The following PDZRN3 variants were observed in gnomAD, a reference collection of about 807,000 sequenced individuals.
PDZRN3 encodes E3 ubiquitin-protein ligase PDZRN3.
Under a neutral mutation model 85.7 loss-of-function variants are expected in PDZRN3, and 38 were observed. The ratio of observed to expected loss-of-function variants is 0.44; its 90% CI spans 0.34 to 0.58. The LOEUF (loss-of-function observed/expected upper bound fraction) is 0.58. Among genes scored for constraint, PDZRN3 ranks in the 20% least tolerant of loss-of-function variants. PDZRN3 has a pLI of 0.01. For synonymous variants in PDZRN3, 759 were observed against 638.0 expected (o/e 1.19, Z -2.86); for missense variants, 1,629 against 1,506.4 (o/e 1.08, Z -1.35).
At chr3:73,483,417 G>A (rs545988970) in intron 3 of PDZRN3, among the ~76,000 whole-genome samples, 5 of 152,214 alleles carry the variant, frequency 3.3e-5, no homozygotes, top group Non-Finnish European at 7.3e-5. Context: ...GTCCCAGGGA[G>A]GAAATGTGCC....
At chr3:73,601,851 T>G (rs1702520006) in intron 3 of PDZRN3, among the ~76,000 whole-genome samples, 1 of 151,800 alleles carries the variant, frequency 6.6e-6, no homozygotes, top group Non-Finnish European at 1.5e-5. Flanking sequence ...TGCAAATCCC[T>G]GGGCAATCAG....
At chr3:73,513,258 T>C (rs990933957) in intron 3 of PDZRN3, among the ~76,000 whole-genome samples, 1 of 152,194 alleles carries the variant, frequency 6.6e-6, no homozygotes, top group African/African-American at 2.4e-5. Flanking sequence ...CGTCTTCTTT[T>C]TAAACAGTTA....
At chr3:73,443,864 T>C (rs1702696392) in intron 3 of PDZRN3, among the ~76,000 whole-genome samples, 1 of 152,118 alleles carries the variant, frequency 6.6e-6, no homozygotes, top group Admixed American at 6.5e-5. Flanking sequence ...TAATCCCCAC[T>C]GTAAATGGAA....
chr3:73,519,698 A>T (rs1367638713), intron 3 of PDZRN3, among the ~76,000 whole-genome samples: 1 of 152,224 alleles, frequency 6.6e-6, no homozygotes, highest in Non-Finnish European at 1.5e-5. Flanking sequence ...ACGTCAAGCT[A>T]TGGCTATGCC....
At chr3:73,594,228 G>A (rs1702401288) in intron 3 of PDZRN3, among the ~76,000 whole-genome samples, 2 of 152,080 alleles carry the variant, frequency 1.3e-5, no homozygotes, top group African/African-American at 4.8e-5. Context: ...CTAAAGGAGG[G>A]CTATTTGTTT....
At chr3:73,529,107 G>C (rs530357330) in intron 3 of PDZRN3, among the ~76,000 whole-genome samples, 1 of 152,176 alleles carries the variant, frequency 6.6e-6, no homozygotes, top group African/African-American at 2.4e-5. Flanking sequence ...ATTTGGAACC[G>C]GGGTCCATGT....
At chr3:73,416,892 T>TGG (rs1702100396) in intron 3 of PDZRN3, among the ~76,000 whole-genome samples, 2 of 124,980 alleles carry the variant, frequency 1.6e-5, no homozygotes, top group African/African-American at 6.2e-5. Flanking sequence ...TTTTTTTTTT[T>TGG]TTTTTTTTTT....
intron 3 of PDZRN3, among the ~76,000 whole-genome samples, chr3:73,560,263 T>C (rs1701788524): frequency 6.6e-6 from 1 of 152,242 alleles, no homozygotes; most frequent in African/African-American, 2.4e-5. Flanking sequence ...CTGCCAAATT[T>C]GACTGTTATA....
intron 3 of PDZRN3, among the ~76,000 whole-genome samples, chr3:73,558,219 T>C (rs1282805942): frequency 2.0e-4 from 4 of 19,714 alleles, no homozygotes; most frequent in Non-Finnish European, 2.8e-4. Flanking sequence ...TGCTTGGGTA[T>C]GTGAAAAAAA....
At chr3:73,550,960 G>C (rs563146139) in intron 3 of PDZRN3, among the ~76,000 whole-genome samples, 1 of 152,312 alleles carries the variant, frequency 6.6e-6, no homozygotes, top group African/African-American at 2.4e-5. Context: ...AGAGTTATCA[G>C]AAAGAAAACT....
At chr3:73,426,510 A>G (rs1209400224) in intron 3 of PDZRN3, among the ~76,000 whole-genome samples, 1 of 152,188 alleles carries the variant, frequency 6.6e-6, no homozygotes, top group Non-Finnish European at 1.5e-5. Flanking sequence ...AAAGTTCTCA[A>G]ACAAAACAAT....
At chr3:73,465,772 G>A (rs1703201105) in intron 3 of PDZRN3, among the ~76,000 whole-genome samples, 1 of 152,120 alleles carries the variant, frequency 6.6e-6, no homozygotes. Flanking sequence ...ACTGCCACGG[G>A]GATTTATAGT....
intron 3 of PDZRN3, among the ~76,000 whole-genome samples, chr3:73,574,499 T>C (rs1702091936): frequency 6.6e-6 from 1 of 151,902 alleles, no homozygotes; most frequent in Non-Finnish European, 1.5e-5. Context: ...CACTCTGTTG[T>C]CCAGGTTGGA....
chr3:73,529,604 CA>C (rs1368957162), intron 3 of PDZRN3, among the ~76,000 whole-genome samples: 1 of 152,146 alleles, frequency 6.6e-6, no homozygotes, highest in Non-Finnish European at 1.5e-5. Context: ...CTTTGTTAAG[CA>C]AAAGGGCTGT....
chr3:73,430,988 G>A lies in PDZRN3; in HGVS notation c.919-26593C>T, dbSNP rs180838319. ...TGGTAGGCAGAGGCCCTGTCTTGAC[G>A]TTTCACACTGCCCTGCAACCCCCAC... On this transcript the variant is annotated intron_variant, in intron 3 of 9. Transcript: ENST00000263666. Among the ~76,000 whole-genome samples the A allele has an allele frequency of 2.4e-3, 366 of 152,188 alleles. 1 individual carries two copies. The highest frequency in any genetic ancestry group is 3.2e-3 in the Non-Finnish European group (219 of 68,004).
At chr3:73,432,805 G>T (rs995949210) in intron 3 of PDZRN3, among the ~76,000 whole-genome samples, 5 of 151,916 alleles carry the variant, frequency 3.3e-5, no homozygotes, top group African/African-American at 1.2e-4. Flanking sequence ...GAAAACCTTA[G>T]CTGGATTATT....
At chr3:73,610,426 T>C (rs1163569683) in intron 1 of PDZRN3, among the ~76,000 whole-genome samples, 1 of 152,224 alleles carries the variant, frequency 6.6e-6, no homozygotes, top group African/African-American at 2.4e-5. Context: ...CAATTTGAAC[T>C]GTAACAAGTT....
intron 6 of PDZRN3, 33 bp downstream of exon 6, chr3:73,390,985 C>T (rs145738538): frequency 2.2e-5 from 31 of 1,409,804 alleles, no homozygotes; most frequent in East Asian, 2.1e-4. Flanking sequence ...GGTCTTGATA[C>T]GATAGTTAGA....
chr3:73,602,118 T>C (rs575227030), intron 3 of PDZRN3, among the ~76,000 whole-genome samples: 1 of 152,166 alleles, frequency 6.6e-6, no homozygotes, highest in Non-Finnish European at 1.5e-5. Flanking sequence ...GAGGTCCACA[T>C]GAAAAAAGCC....
Sources: allele counts gnomAD v4.1 joint callset (sites outside exome capture counted in the v4.1 genomes callset), GRCh38; gene constraint gnomAD v4.1.1; transcripts MANE v1.5; gene names NCBI Gene and HGNC (gene_info 2026-07-23, HGNC 2026-07-21).